The following ARL15 variants were observed in gnomAD, a reference collection of about 807,000 sequenced individuals.
The protein encoded by ARL15 is ARF like GTPase 15, also known as ADP-ribosylation factor-like protein 15.
A neutral mutation model predicts 25.2 loss-of-function variants in ARL15; 19 were observed. The ratio of observed to expected loss-of-function variants is 0.75; its 90% CI spans 0.53 to 1.10. The LOEUF is 1.10. ARL15 is among the 50% of genes least tolerant of loss of function. The pLI is 0.00. For synonymous variants in ARL15, 94 were observed against 86.8 expected (o/e 1.08, Z -0.46); for missense variants, 220 against 246.0 (o/e 0.89, Z 0.71).
intron 1 of ARL15, among the ~76,000 whole-genome samples, chr5:54,245,619 G>A (rs1326758187): frequency 6.6e-6 from 1 of 151,602 alleles, no homozygotes; most frequent in East Asian, 1.9e-4. Context: ...ATGGAGTTTT[G>A]CTCTGCTGTC....
intron 3 of ARL15, among the ~76,000 whole-genome samples, chr5:54,132,120 T>A (rs959861058): frequency 2.0e-5 from 3 of 152,130 alleles, no homozygotes; most frequent in African/African-American, 7.2e-5. Context: ...CATTTAAAAA[T>A]CCAGCAATTT....
chr5:54,234,682 T>G (rs781311173), intron 1 of ARL15, among the ~76,000 whole-genome samples: 37 of 152,336 alleles, frequency 2.4e-4, no homozygotes, highest in Non-Finnish European at 3.8e-4. Flanking sequence ...CAACTAGCTC[T>G]GTGAAAGTGA....
At chr5:54,237,609 T>C (rs1756844208) in intron 1 of ARL15, among the ~76,000 whole-genome samples, 1 of 152,150 alleles carries the variant, frequency 6.6e-6, no homozygotes, top group South Asian at 2.1e-4. Flanking sequence ...AAGAAGACTA[T>C]TAATAAAGTC....
intron 3 of ARL15, among the ~76,000 whole-genome samples, chr5:54,119,779 G>T (rs944917596): frequency 6.6e-6 from 1 of 152,084 alleles, no homozygotes; most frequent in Non-Finnish European, 1.5e-5. Context: ...AGTTACTACC[G>T]TGTGAGTTGT....
At chr5:54,017,206 G>C (rs1749452816) in intron 4 of ARL15, among the ~76,000 whole-genome samples, 1 of 152,166 alleles carries the variant, frequency 6.6e-6, no homozygotes, top group South Asian at 2.1e-4. Context: ...GCACAAGAGA[G>C]AGCTTAGGCT....
At chr5:54,240,840 A>T (rs1328999082) in intron 1 of ARL15, among the ~76,000 whole-genome samples, 6 of 152,214 alleles carry the variant, frequency 3.9e-5, no homozygotes, top group Admixed American at 3.9e-4. Context: ...ACTCAAAGAA[A>T]GTGTTCATTG....
intron 4 of ARL15, among the ~76,000 whole-genome samples, chr5:54,074,181 T>A (rs953495648): frequency 6.6e-6 from 1 of 152,188 alleles, no homozygotes; most frequent in Non-Finnish European, 1.5e-5. Flanking sequence ...TGGTGGGAAA[T>A]CCTGTGTCTC....
At chr5:53,993,098 T>G (rs138565289) in intron 4 of ARL15, among the ~76,000 whole-genome samples, 2 of 146,284 alleles carry the variant, frequency 1.4e-5, no homozygotes, top group Non-Finnish European at 3.0e-5. Context: ...GAAAAAAAGA[T>G]ATTAAAAGCA....
intron 1 of ARL15, among the ~76,000 whole-genome samples, chr5:54,182,880 G>A (rs1755102901): frequency 6.6e-6 from 1 of 151,106 alleles, no homozygotes; most frequent in South Asian, 2.1e-4. Flanking sequence ...TTGTAAGGTG[G>A]ATTCCTAGGT....
chr5:54,293,785 A>G (rs1335121585), intron 1 of ARL15, among the ~76,000 whole-genome samples: 1 of 152,126 alleles, frequency 6.6e-6, no homozygotes, highest in Admixed American at 6.5e-5. Context: ...TTCATAGAAG[A>G]CTTTATGCCC....
intron 1 of ARL15, among the ~76,000 whole-genome samples, chr5:54,257,972 T>C (rs1013968233): frequency 2.0e-5 from 3 of 152,112 alleles, no homozygotes; most frequent in Non-Finnish European, 2.9e-5. Context: ...CTGTAGACAC[T>C]GGCTAAGTCA....
At chr5:54,155,443 G>C (rs923752649) in intron 2 of ARL15, among the ~76,000 whole-genome samples, 1 of 152,128 alleles carries the variant, frequency 6.6e-6, no homozygotes, top group Non-Finnish European at 1.5e-5. Context: ...ATTTATGTTA[G>C]TGTCTTCTTT....
chr5:54,203,720 G>A (rs548306833), intron 1 of ARL15, among the ~76,000 whole-genome samples: 3 of 152,238 alleles, frequency 2.0e-5, no homozygotes, highest in South Asian at 2.1e-4. Context: ...AGAACCATCA[G>A]CTAGTACTAT....
rs551625936 is a variant in ARL15, at chr5:53,910,616, A to C, written c.463-23903T>G. Among the ~76,000 whole-genome samples, 26 of 36,586 alleles carry C rather than the reference A, an allele frequency of 7.1e-4. No individual in the cohort carries two copies. The South Asian group carries it at 0.014, about 20-fold the overall frequency. The allele number at this position is 36,586 out of a possible 152,430, so 24.0% of individuals were successfully genotyped here. Reference sequence around the variant, plus strand: ...TGTGCACATGTACCCTAGAACTTAAAGTATAATAAAAAAAAATTATATATA... The same window carrying C: ...TGTGCACATGTACCCTAGAACTTAACGTATAATAAAAAAAAATTATATATA... On this transcript the variant is annotated intron_variant, in intron 4 of 4. Coordinates refer to ENST00000504924, the MANE Select transcript of ARL15 (RefSeq NM_019087.3).
chr5:54,150,570 G>A (rs1754035941), intron 3 of ARL15, among the ~76,000 whole-genome samples: 1 of 152,104 alleles, frequency 6.6e-6, no homozygotes, highest in South Asian at 2.1e-4. Context: ...GGAGGCTGAG[G>A]GCAGATCATT....
chr5:54,141,885 T>G (rs902180497), intron 3 of ARL15, among the ~76,000 whole-genome samples: 1 of 152,212 alleles, frequency 6.6e-6, no homozygotes, highest in Non-Finnish European at 1.5e-5. Flanking sequence ...TCCATGTTGT[T>G]GCATGTATCA....
At chr5:54,127,752 T>A (rs1254457101) in intron 3 of ARL15, among the ~76,000 whole-genome samples, 10 of 151,746 alleles carry the variant, frequency 6.6e-5, no homozygotes, top group Admixed American at 6.6e-4. Context: ...GGCATCATGC[T>A]ACCTGACTTC....
At chr5:54,084,322 G>C (rs1221465907) in intron 4 of ARL15, among the ~76,000 whole-genome samples, 4 of 150,994 alleles carry the variant, frequency 2.6e-5, no homozygotes, top group Non-Finnish European at 5.9e-5. Flanking sequence ...GCTGGGTGGG[G>C]TAAGACTATT....
intron 4 of ARL15, among the ~76,000 whole-genome samples, chr5:53,895,059 C>T (rs1744830578): frequency 6.6e-6 from 1 of 152,202 alleles, no homozygotes; most frequent in Admixed American, 6.5e-5. Context: ...GTATGTCCCA[C>T]ACGGCCTAGA....
Sources: gnomAD v4.1 joint callset for allele counts (sites outside exome capture counted in the v4.1 genomes callset) on GRCh38, gnomAD v4.1.1 for gene constraint, MANE v1.5 for transcripts, NCBI Gene and HGNC (gene_info 2026-07-23, HGNC 2026-07-21) for gene names.